Variants in DOCK10 observed in about 807,000 individuals in gnomAD.
DOCK10 encodes dedicator of cytokinesis 10.
A neutral mutation model predicts 280.1 loss-of-function variants in DOCK10; 145 were observed. That is an observed-to-expected ratio of 0.52 (90% confidence interval 0.45 to 0.59). The LOEUF is 0.59. DOCK10 is among the 20% of genes least tolerant of loss of function. The pLI, the probability that DOCK10 is intolerant of heterozygous loss-of-function variation, is 0.00. For synonymous variants in DOCK10, 915 were observed against 942.2 expected (o/e 0.97, Z 0.53); for missense variants, 2,368 against 2,651.7 (o/e 0.89, Z 2.35).
chr2:224,903,932 C>T (rs1700448934), intron 3 of DOCK10, among the ~76,000 whole-genome samples: 1 of 152,072 alleles, frequency 6.6e-6, no homozygotes, highest in South Asian at 2.1e-4. Flanking sequence ...AACACGTAAC[C>T]ATTTTGTTTT....
intron 1 of DOCK10, among the ~76,000 whole-genome samples, chr2:225,005,175 C>G (rs1706533951): frequency 6.6e-6 from 1 of 152,104 alleles, no homozygotes; most frequent in South Asian, 2.1e-4. Context: ...GTACAGCTGC[C>G]ACAAAAACCC....
At chr2:224,941,669 C>G (rs974642587) in intron 1 of DOCK10, among the ~76,000 whole-genome samples, 10 of 151,962 alleles carry the variant, frequency 6.6e-5, no homozygotes, top group Non-Finnish European at 1.5e-4. Context: ...CATGGTGAAA[C>G]CCCGTCTCTA....
intron 55 of DOCK10, 141 bp from the exon 56 acceptor site, chr2:224,765,978 G>A: frequency 3.5e-6 from 2 of 571,760 alleles, no homozygotes; most frequent in South Asian, 4.0e-5. Context: ...ATATTAAAGT[G>A]GATCTAAAGA....
chr2:224,927,688 G>T (rs1255048202), intron 2 of DOCK10, among the ~76,000 whole-genome samples: 1 of 152,084 alleles, frequency 6.6e-6, no homozygotes, highest in Non-Finnish European at 1.5e-5. Flanking sequence ...CCATAAAAGG[G>T]CATGAGCTCC....
At chr2:224,890,851 G>A (rs1188048477) in intron 4 of DOCK10, among the ~76,000 whole-genome samples, 1 of 152,154 alleles carries the variant, frequency 6.6e-6, no homozygotes, top group Admixed American at 6.5e-5. Flanking sequence ...AGTTGCACAC[G>A]TGTACTGTGG....
chr2:224,841,746 G>T, intron 23 of DOCK10, 58 bp downstream of exon 23: 1 of 1,204,224 alleles, frequency 8.3e-7, no homozygotes, highest in Non-Finnish European at 1.2e-6. Flanking sequence ...AAATGTAAAA[G>T]TCTCTTTTGC....
At chr2:224,863,277 G>A (rs1357622123) in intron 13 of DOCK10, among the ~76,000 whole-genome samples, 2 of 152,138 alleles carry the variant, frequency 1.3e-5, no homozygotes, top group South Asian at 2.1e-4. Context: ...CAAAACAGAA[G>A]GTAGGCTGGA....
rs528074864 is a variant in DOCK10, at chr2:224,907,217, A to G, written c.333+9478T>C. 2.0e-4 allele frequency among the ~76,000 whole-genome samples: 30 copies of G among 152,328 alleles called. No homozygotes were observed. The South Asian group carries it at 6.2e-3, about 32-fold the overall frequency. On this transcript the variant is annotated intron_variant, in intron 3 of 55. Transcript: ENST00000258390. ...AGGGCTAAAAGAGTATTACACTGAC[A>G]TTTATGATCATTGTTAATTACTTCA...
intron 1 of DOCK10, among the ~76,000 whole-genome samples, chr2:225,040,141 C>G (rs769632615): frequency 2.0e-5 from 3 of 152,068 alleles, no homozygotes; most frequent in Non-Finnish European, 4.4e-5. Context: ...TCCAATGACA[C>G]GGTTTTAGGT....
intron 33 of DOCK10, among the ~76,000 whole-genome samples, chr2:224,806,770 A>G (rs1303001036): frequency 2.6e-5 from 4 of 151,940 alleles, no homozygotes; most frequent in South Asian, 2.1e-4. Flanking sequence ...ATGCCCAGCT[A>G]ATTTTTTAAA....
In DOCK10 at chr2:224,876,075, T is replaced by C; in HGVS notation, c.894A>G (p.Gln298=). 1.2e-6 allele frequency: 2 copies of C among 1,613,838 alleles called. No homozygotes were observed. Among genetic ancestry groups the C allele is most frequent in the Non-Finnish European group, 1.7e-6 (2 of 1,179,826 alleles). ...CAGTGAGCTCTGTGCTCCTCCTCCCTTGGAGGGGCCCCTCAGGACTGATTT... is the reference window on the plus strand; with the variant it reads ...CAGTGAGCTCTGTGCTCCTCCTCCCCTGGAGGGGCCCCTCAGGACTGATTT... ...ILQISPEGPL[Q]GRRSTELTDL... is the part of the protein sequence containing the mutation. Residue 298 remains glutamine (Q), a synonymous_variant, in exon 8 of 56, where the codon CAA becomes CAG. Transcript: ENST00000258390.
intron 25 of DOCK10, 73 bp downstream of exon 25, chr2:224,837,689 T>C (rs1574912421): frequency 7.6e-7 from 1 of 1,318,280 alleles, no homozygotes; most frequent in East Asian, 2.3e-5. Flanking sequence ...ACTTCCCACT[T>C]ACTGCAGACA....
At chr2:224,895,815 G>T (rs1225271754) in intron 4 of DOCK10, among the ~76,000 whole-genome samples, 2 of 97,594 alleles carry the variant, frequency 2.0e-5, no homozygotes, top group African/African-American at 1.0e-4. Flanking sequence ...CCTTTTGGTT[G>T]TGTGTGTGTG....
intron 11 of DOCK10, among the ~76,000 whole-genome samples, chr2:224,867,171 C>T (rs1195913130): frequency 1.3e-5 from 2 of 151,874 alleles, no homozygotes; most frequent in East Asian, 3.9e-4. Flanking sequence ...CATGTTTATA[C>T]CTCTGCTTCC....
chr2:225,031,602 G>A (rs1311966892), intron 1 of DOCK10, among the ~76,000 whole-genome samples: 1 of 152,182 alleles, frequency 6.6e-6, no homozygotes, highest in Admixed American at 6.5e-5. Flanking sequence ...ACTAGAAAAC[G>A]AGAGGTTCCT....
At chr2:224,838,020 C>G (rs1161339235) in intron 24 of DOCK10, among the ~76,000 whole-genome samples, 189 bp from the exon 25 acceptor site, 2 of 152,208 alleles carry the variant, frequency 1.3e-5, no homozygotes, top group Non-Finnish European at 2.9e-5. Context: ...TCTATAGCAT[C>G]AATGAGCCAT....
chr2:224,886,262 C>T, intron 5 of DOCK10, 77 bp from the exon 6 acceptor site: 1 of 1,570,120 alleles, frequency 6.4e-7, no homozygotes, highest in Non-Finnish European at 8.7e-7. Context: ...AAAAAAGAGA[C>T]TCCTCTTCCT....
intron 3 of DOCK10, among the ~76,000 whole-genome samples, chr2:224,916,444 G>C (rs1219338983): frequency 1.3e-5 from 2 of 151,812 alleles, no homozygotes; most frequent in Non-Finnish European, 1.5e-5. Flanking sequence ...GGGAAGCTGA[G>C]GCACAAGAAT....
chr2:224,864,586 G>A lies in DOCK10; in HGVS notation c.1569C>T (p.Ala523=), dbSNP rs184497997. The part of the protein sequence containing the change: ...KVLMGNIASG[A]EPYIKNPDSN... ...AGTCTGGGTTCTTAATATAAGGTTC[G>A]GCACCACTTGCAATGTTTCCCATCA... The change falls in exon 13 of 56, where the codon GCC becomes GCT. Residue 523 remains alanine (A), a synonymous_variant. Coordinates refer to ENST00000258390, the MANE Select transcript of DOCK10 (RefSeq NM_014689.3). 316 of 1,612,364 alleles carry A rather than the reference G, an allele frequency of 2.0e-4. No individual in the cohort carries two copies. Among genetic ancestry groups the A allele is most frequent in the Admixed American group, 5.0e-4 (30 of 59,680 alleles).
Sources: gnomAD v4.1 joint callset for allele counts (sites outside exome capture counted in the v4.1 genomes callset) on GRCh38, gnomAD v4.1.1 for gene constraint, MANE v1.5 for transcripts, NCBI Gene and HGNC (gene_info 2026-07-23, HGNC 2026-07-21) for gene names.